The following NEDD4L variants were observed in gnomAD, a reference collection of about 807,000 sequenced individuals.
NEDD4L encodes E3 ubiquitin-protein ligase NEDD4-like.
NEDD4L carries 54 observed loss-of-function variants against 148.9 expected under a neutral mutation model. The ratio of observed to expected loss-of-function variants is 0.36; its 90% CI spans 0.29 to 0.45. The LOEUF (loss-of-function observed/expected upper bound fraction) is 0.45. NEDD4L is among the 20% of genes least tolerant of loss of function. The pLI is 1.00. For missense variants in NEDD4L, 856 were observed against 1,233.8 expected (o/e 0.69, Z 4.59); for synonymous variants, 433 against 440.7 (o/e 0.98, Z 0.22).
chr18:58,049,157 T>C (rs552609064), intron 1 of NEDD4L, among the ~76,000 whole-genome samples: 1 of 152,306 alleles, frequency 6.6e-6, no homozygotes, highest in Admixed American at 6.5e-5. Context: ...AGTTTCAATA[T>C]CCCCAATCAT....
intron 15 of NEDD4L, 85 bp downstream of exon 15, chr18:58,341,882 G>A (rs968024671): frequency 7.9e-5 from 114 of 1,452,050 alleles, no homozygotes; most frequent in East Asian, 6.7e-4. Flanking sequence ...CTTCAGTTTC[G>A]CAGCCACCTC....
At chr18:58,391,146 A>G (rs563022060) in intron 29 of NEDD4L, among the ~76,000 whole-genome samples, 1 of 152,312 alleles carries the variant, frequency 6.6e-6, no homozygotes, top group East Asian at 1.9e-4. Context: ...GCATACTGAA[A>G]GTCACATTTC....
intron 1 of NEDD4L, among the ~76,000 whole-genome samples, chr18:58,107,221 T>C (rs1016317397): frequency 1.2e-4 from 19 of 152,186 alleles, no homozygotes; most frequent in African/African-American, 4.1e-4. Flanking sequence ...TGACTCCTTA[T>C]ACAGTCACAC....
At chr18:58,324,839 C>A (rs1020987153) in intron 8 of NEDD4L, among the ~76,000 whole-genome samples, 157 bp from the exon 9 acceptor site, 6 of 151,968 alleles carry the variant, frequency 3.9e-5, no homozygotes, top group Non-Finnish European at 7.4e-5. Context: ...TTTTTTTGGC[C>A]TTCATTTGGG....
chr18:58,384,050 T>C (rs752958327), intron 25 of NEDD4L, among the ~76,000 whole-genome samples: 7 of 152,320 alleles, frequency 4.6e-5, no homozygotes, highest in Admixed American at 2.6e-4. Flanking sequence ...TCTGCTCTCT[T>C]GTGGGTCGCC....
intron 2 of NEDD4L, chr18:58,195,763 T>C: frequency 7.8e-7 from 1 of 1,284,530 alleles, no homozygotes; most frequent in Non-Finnish European, 1.0e-6. Flanking sequence ...CCGTTCCCTT[T>C]ATTACTCGAT....
At chr18:58,104,140 C>T (rs543977271) in intron 1 of NEDD4L, among the ~76,000 whole-genome samples, 4 of 152,094 alleles carry the variant, frequency 2.6e-5, no homozygotes, top group Admixed American at 6.5e-5. Flanking sequence ...TAAAAAGGGA[C>T]GAAGTACTGA....
intron 1 of NEDD4L, among the ~76,000 whole-genome samples, chr18:58,162,614 C>T (rs1260128402): frequency 6.0e-5 from 9 of 149,882 alleles, no homozygotes; most frequent in Admixed American, 2.0e-4. Flanking sequence ...GTCTGTCTTC[C>T]GCCTACTAGA....
intron 1 of NEDD4L, among the ~76,000 whole-genome samples, chr18:58,155,683 A>G (rs971250362): frequency 7.2e-5 from 11 of 152,176 alleles, no homozygotes; most frequent in African/African-American, 2.7e-4. Context: ...AGGAATCTCG[A>G]CGGTTTGTCT....
intron 1 of NEDD4L, among the ~76,000 whole-genome samples, chr18:58,127,542 T>A (rs866199808): frequency 5.6e-5 from 8 of 141,788 alleles, no homozygotes; most frequent in East Asian, 2.2e-4. Context: ...CACCTTTATT[T>A]AAAAAAAAAA....
intron 1 of NEDD4L, among the ~76,000 whole-genome samples, chr18:58,121,073 G>A (rs140321369): frequency 1.9e-4 from 29 of 152,278 alleles, no homozygotes; most frequent in African/African-American, 6.7e-4. Context: ...TGCCATTTCA[G>A]CAATGTGATC....
At chr18:58,135,537 T>A (rs554757993) in intron 1 of NEDD4L, among the ~76,000 whole-genome samples, 1 of 152,208 alleles carries the variant, frequency 6.6e-6, no homozygotes, top group South Asian at 2.1e-4. Context: ...GAAAAATCAC[T>A]TTCTTCTTCT....
At chr18:58,127,903 G>C (rs916509427) in intron 1 of NEDD4L, among the ~76,000 whole-genome samples, 1 of 151,406 alleles carries the variant, frequency 6.6e-6, no homozygotes, top group African/African-American at 2.4e-5. Context: ...TTGAGACAGA[G>C]TCCTGCTTTG....
At chr18:58,376,075 A>G (rs1265682024) in intron 24 of NEDD4L, among the ~76,000 whole-genome samples, 1 of 152,182 alleles carries the variant, frequency 6.6e-6, no homozygotes, top group East Asian at 1.9e-4. Flanking sequence ...TTCATAGAAA[A>G]CCATATGACC....
intron 24 of NEDD4L, among the ~76,000 whole-genome samples, chr18:58,374,971 C>T (rs934762032): frequency 6.6e-6 from 1 of 152,186 alleles, no homozygotes; most frequent in African/African-American, 2.4e-5. Context: ...GTCTAACGGC[C>T]TCCTCAACTG....
chr18:58,068,190 CTTTTTTTTT>C (rs201565393), intron 1 of NEDD4L, among the ~76,000 whole-genome samples: 1 of 109,310 alleles, frequency 9.1e-6, no homozygotes, highest in Non-Finnish European at 1.8e-5. Context: ...TCCTAGAATT[CTTTTTTTTT>C]TTTTTTTTGT....
intron 16 of NEDD4L, among the ~76,000 whole-genome samples, chr18:58,345,925 T>TTG (rs2042992649): frequency 2.2e-5 from 3 of 137,094 alleles, no homozygotes; most frequent in Admixed American, 1.5e-4. Flanking sequence ...TGTTTTTTGT[T>TTG]TTTTGTTTTT....
At chr18:58,201,536 C>G (rs1370244485) in intron 2 of NEDD4L, among the ~76,000 whole-genome samples, 1 of 152,124 alleles carries the variant, frequency 6.6e-6, no homozygotes, top group African/African-American at 2.4e-5. Context: ...TTAGCATATA[C>G]CATCAGGGAT....
intron 2 of NEDD4L, among the ~76,000 whole-genome samples, chr18:58,218,245 A>G (rs1334312435): frequency 1.3e-5 from 2 of 152,218 alleles, no homozygotes; most frequent in Non-Finnish European, 2.9e-5. Flanking sequence ...ATTTCATAAA[A>G]CCACACCCTA....
Sources: allele counts gnomAD v4.1 joint callset (sites outside exome capture counted in the v4.1 genomes callset), GRCh38; gene constraint gnomAD v4.1.1; transcripts MANE v1.5; gene names NCBI Gene and HGNC (gene_info 2026-07-23, HGNC 2026-07-21).